Variants in PDE4D observed in about 807,000 individuals in gnomAD.
The protein encoded by PDE4D is phosphodiesterase 4D.
A neutral mutation model predicts 87.4 loss-of-function variants in PDE4D; 24 were observed. The ratio of observed to expected loss-of-function variants is 0.27; its 90% CI spans 0.20 to 0.39. The LOEUF (loss-of-function observed/expected upper bound fraction) is 0.39. Ranked by LOEUF, PDE4D falls within the 10% of genes least tolerant of loss-of-function variation. PDE4D has a pLI of 1.00. For missense variants in PDE4D, 714 were observed against 1,041.0 expected, an observed-to-expected ratio of 0.69 and a Z score of 4.32; for synonymous variants, 384 against 383.2, an observed-to-expected ratio of 1.00 and a Z score of -0.02.
intron 6 of PDE4D, among the ~76,000 whole-genome samples, chr5:59,029,743 C>G (rs536583917): frequency 1.1e-3 from 160 of 151,302 alleles, no homozygotes; most frequent in Non-Finnish European, 2.0e-3. Context: ...CAATCTTGAA[C>G]AAAAAGAACA....
chr5:58,986,962 G>GATATAT (rs5868149), intron 11 of PDE4D, among the ~76,000 whole-genome samples: 2,094 of 151,024 alleles, frequency 0.014, 32 homozygotes, highest in African/African-American at 0.029. Flanking sequence ...GTTTAAGATA[G>GATATAT]ATATATATAT....
At chr5:60,474,712 C>T (rs921916017) in intron 1 of PDE4D, among the ~76,000 whole-genome samples, 1 of 152,198 alleles carries the variant, frequency 6.6e-6, no homozygotes, top group African/African-American at 2.4e-5. Flanking sequence ...ACACTTTCCA[C>T]TCTCCACAGC....
Position 60,139,099 on chromosome 5 carries a change from G to A in PDE4D, c.42+46458C>T, listed in dbSNP as rs538041157. Among the ~76,000 whole-genome samples the A allele has an allele frequency of 2.0e-3, 306 of 152,096 alleles. 4 individuals are homozygous for A. Among genetic ancestry groups the A allele is most frequent in the Non-Finnish European group, 5.6e-4 (38 of 67,952 alleles). ...GATGGTTCTAAGATCCCTGAAGGTA[G>A]AATTTTAAAATTCCAAAATGATGAA... On this transcript the variant is annotated intron_variant, in intron 2 of 16. Transcript: ENST00000502484.
At chr5:59,223,773 C>T (rs1004454000) in intron 1 of PDE4D, among the ~76,000 whole-genome samples, 1 of 152,048 alleles carries the variant, frequency 6.6e-6, no homozygotes, top group African/African-American at 2.4e-5. Flanking sequence ...TAGCATTTTA[C>T]AGTGATATGC....
At chr5:60,424,588 CA>C (rs879040645) in intron 1 of PDE4D, among the ~76,000 whole-genome samples, 2 of 152,140 alleles carry the variant, frequency 1.3e-5, no homozygotes, top group African/African-American at 2.4e-5. Context: ...ACTGAATGGG[CA>C]AAAACTAGAA....
intron 1 of PDE4D, among the ~76,000 whole-genome samples, chr5:59,761,739 C>T (rs1209514417): frequency 1.3e-5 from 2 of 152,026 alleles, no homozygotes; most frequent in African/African-American, 4.8e-5. Context: ...CTTCTAGATA[C>T]CTCCTGAGGG....
chr5:59,365,360 G>A (rs566433657), intron 1 of PDE4D, among the ~76,000 whole-genome samples: 21 of 152,170 alleles, frequency 1.4e-4, no homozygotes, highest in Admixed American at 5.2e-4. Flanking sequence ...TTGGGAGGCC[G>A]AGGTGGGAGA....
At chr5:60,254,141 A>T (rs1185920029) in intron 1 of PDE4D, among the ~76,000 whole-genome samples, 2 of 151,914 alleles carry the variant, frequency 1.3e-5, no homozygotes, top group African/African-American at 4.8e-5. Context: ...TTCTCAAAGG[A>T]GAGGCATTGC....
At chr5:59,757,380 T>C (rs1417855620) in intron 1 of PDE4D, among the ~76,000 whole-genome samples, 1 of 152,202 alleles carries the variant, frequency 6.6e-6, no homozygotes. Context: ...GAAAACAATC[T>C]CTGAAACACT....
At chr5:60,154,769 T>A (rs572258205) in intron 2 of PDE4D, among the ~76,000 whole-genome samples, 1 of 152,230 alleles carries the variant, frequency 6.6e-6, no homozygotes, top group East Asian at 1.9e-4. Flanking sequence ...ACAACTATCC[T>A]GATTTCTAAA....
chr5:59,208,783 T>G (rs905524490), intron 2 of PDE4D, among the ~76,000 whole-genome samples: 3 of 152,208 alleles, frequency 2.0e-5, no homozygotes, highest in Admixed American at 6.6e-5. Context: ...ATAAAATGAC[T>G]TAAGTGATTG....
chr5:59,936,397 C>G lies in PDE4D; in HGVS notation c.272+52091G>C, dbSNP rs75730511. Among the ~76,000 whole-genome samples, 522 of 152,260 alleles carry G rather than the reference C, an allele frequency of 3.4e-3. 16 individuals are homozygous for G. In the East Asian group the frequency reaches 0.082, roughly 24 times the overall value. ...AGAAATGCAGCACTTCAGTCCCATT[C>G]TAGACTCCCTGATCAGCATCTGAAT... On this transcript the variant is annotated intron_variant, in intron 3 of 16. Transcript: ENST00000502484.
chr5:60,514,622 T>C (rs973630830), intron 1 of PDE4D, among the ~76,000 whole-genome samples: 1 of 152,062 alleles, frequency 6.6e-6, no homozygotes, highest in Non-Finnish European at 1.5e-5. Context: ...GAAATGCCAT[T>C]TGATAAAATT....
intron 1 of PDE4D, among the ~76,000 whole-genome samples, chr5:59,380,048 G>C (rs766979285): frequency 2.1e-4 from 32 of 152,064 alleles, no homozygotes; most frequent in Non-Finnish European, 4.0e-4. Flanking sequence ...ATGTGTTAAA[G>C]GGTAGGAGTA....
intron 1 of PDE4D, among the ~76,000 whole-genome samples, chr5:59,488,285 T>C (rs1045284793): frequency 6.6e-6 from 1 of 152,250 alleles, no homozygotes; most frequent in Non-Finnish European, 1.5e-5. Flanking sequence ...CGTTTCCTTT[T>C]TTATCTCACA....
At chr5:60,368,961 T>C (rs1392111695) in intron 1 of PDE4D, among the ~76,000 whole-genome samples, 3 of 152,122 alleles carry the variant, frequency 2.0e-5, no homozygotes, top group Admixed American at 1.3e-4. Context: ...TTTATAGCAG[T>C]GTGAGAATGG....
chr5:60,257,209 TGAAA>T (rs200547197), intron 1 of PDE4D, among the ~76,000 whole-genome samples: 2 of 90,004 alleles, frequency 2.2e-5, no homozygotes, highest in African/African-American at 4.9e-5. Context: ...AAAGAATGAA[TGAAA>T]GAAAGAAAGA....
chr5:59,224,236 C>T (rs1370686827), intron 1 of PDE4D, among the ~76,000 whole-genome samples: 1 of 148,614 alleles, frequency 6.7e-6, no homozygotes, highest in Non-Finnish European at 1.5e-5. Context: ...GAGTCTAAAT[C>T]ATGCCACTGC....
At position 59,174,980 on chromosome 5, in the gene PDE4D, T is replaced by C. The variant is rs530395025; in HGVS notation, c.808+5615A>G. Among the ~76,000 whole-genome samples the C allele has an allele frequency of 9.2e-5, 14 of 152,318 alleles. No homozygotes were observed. In the South Asian group the frequency reaches 2.9e-3, roughly 32 times the overall value. ...TTGGAAATATGGAAATTCAGAAGCA[T>C]TGAAAATGGTATTGTGAAGATGTAA... On this transcript the variant is annotated intron_variant, in intron 5 of 14. Coordinates refer to ENST00000340635, the MANE Select transcript of PDE4D (RefSeq NM_001104631.2).
Sources: gnomAD v4.1 joint callset for allele counts (sites outside exome capture counted in the v4.1 genomes callset) on GRCh38, gnomAD v4.1.1 for gene constraint, MANE v1.5 for transcripts, NCBI Gene and HGNC (gene_info 2026-07-23, HGNC 2026-07-21) for gene names.